PACRG: variants seen among roughly 807,000 people sequenced by gnomAD.
PACRG encodes parkin coregulated gene protein.
Under a neutral mutation model 29.7 loss-of-function variants are expected in PACRG, and 29 were observed. The ratio of observed to expected loss-of-function variants is 0.98; its 90% CI spans 0.73 to 1.33. The LOEUF is 1.33. PACRG is among the 40% of genes most tolerant of loss of function. The pLI is 0.00. For synonymous variants in PACRG, 116 were observed against 118.7 expected (o/e 0.98, Z 0.15); for missense variants, 279 against 316.2 (o/e 0.88, Z 0.89).
At chr6:162,830,759 A>C (rs1374237965) in intron 2 of PACRG, among the ~76,000 whole-genome samples, 5 of 152,166 alleles carry the variant, frequency 3.3e-5, no homozygotes, top group Non-Finnish European at 5.9e-5. Context: ...GCATTTAGTT[A>C]TTTGGGCGGC....
intron 2 of PACRG, among the ~76,000 whole-genome samples, chr6:163,047,219 G>A (rs575577625): frequency 5.9e-5 from 9 of 152,012 alleles, no homozygotes; most frequent in Non-Finnish European, 1.2e-4. Flanking sequence ...TTCTTGATTC[G>A]TTATTTATGA....
intron 2 of PACRG, among the ~76,000 whole-genome samples, chr6:162,883,351 A>C (rs1249066069): frequency 6.6e-6 from 1 of 152,192 alleles, no homozygotes; most frequent in Non-Finnish European, 1.5e-5. Context: ...TTAATTTATT[A>C]GATTTTTAAA....
intron 2 of PACRG, among the ~76,000 whole-genome samples, chr6:162,947,595 C>CATATATATATAATCAT (rs1799253594): frequency 3.6e-5 from 1 of 27,988 alleles, no homozygotes; most frequent in African/African-American, 1.1e-4. Flanking sequence ...TATATATAAT[C>CATATATATATAATCAT]ATATATATAT....
At chr6:162,786,348 A>C (rs568534856) in intron 1 of PACRG, among the ~76,000 whole-genome samples, 61 of 152,352 alleles carry the variant, frequency 4.0e-4, no homozygotes, top group African/African-American at 1.4e-3. Context: ...ACTCTTAACG[A>C]AACCCGTTTT....
chr6:163,022,982 G>T (rs1806778844), intron 2 of PACRG, among the ~76,000 whole-genome samples: 1 of 152,010 alleles, frequency 6.6e-6, no homozygotes, highest in Non-Finnish European at 1.5e-5. Flanking sequence ...CTGGAGAATT[G>T]CAATGCATGT....
chr6:162,785,588 G>A (rs1183260363), intron 1 of PACRG, among the ~76,000 whole-genome samples: 1 of 151,916 alleles, frequency 6.6e-6, no homozygotes, highest in Non-Finnish European at 1.5e-5. Context: ...GGGGTGCGGG[G>A]GTTGGGGGAG....
At chr6:163,284,439 A>C (rs989614102) in intron 4 of PACRG, among the ~76,000 whole-genome samples, 6 of 152,262 alleles carry the variant, frequency 3.9e-5, no homozygotes, top group African/African-American at 1.4e-4. Context: ...GCTGAAGAAC[A>C]GTGGTCTGGC....
At chr6:163,250,883 GTA>G (rs368878258) in intron 4 of PACRG, among the ~76,000 whole-genome samples, 2,859 of 137,746 alleles carry the variant, frequency 0.021, 72 homozygotes, top group African/African-American at 0.064. Context: ...AGAAATTGTT[GTA>G]TATATATATA....
intron 2 of PACRG, among the ~76,000 whole-genome samples, chr6:162,942,459 A>G (rs1242457465): frequency 1.3e-5 from 2 of 151,864 alleles, no homozygotes; most frequent in African/African-American, 4.8e-5. Context: ...CTGACACTTC[A>G]TCCAGTTCTT....
chr6:162,956,286 A>T (rs1360589277), intron 2 of PACRG, among the ~76,000 whole-genome samples: 8 of 152,152 alleles, frequency 5.3e-5, no homozygotes, highest in Non-Finnish European at 1.2e-4. Context: ...CAAAAGGTGG[A>T]GATTATTTTC....
intron 4 of PACRG, among the ~76,000 whole-genome samples, chr6:163,112,801 G>C (rs1815785105): frequency 6.6e-6 from 1 of 152,148 alleles, no homozygotes; most frequent in Non-Finnish European, 1.5e-5. Flanking sequence ...GAGTTACTAT[G>C]TCATTAGATC....
chr6:162,949,796 G>A (rs1215443429), intron 2 of PACRG, among the ~76,000 whole-genome samples: 1 of 152,062 alleles, frequency 6.6e-6, no homozygotes, highest in Non-Finnish European at 1.5e-5. Context: ...TACTCCTAGG[G>A]CCCAGCTCTG....
intron 2 of PACRG, among the ~76,000 whole-genome samples, chr6:162,899,363 C>T (rs2128054640): frequency 6.6e-6 from 1 of 152,176 alleles, no homozygotes; most frequent in African/African-American, 2.4e-5. Flanking sequence ...AGCAGCCTCC[C>T]AGGAATGAGT....
intron 4 of PACRG, among the ~76,000 whole-genome samples, chr6:163,261,386 A>T (rs1441601407): frequency 6.6e-6 from 1 of 151,956 alleles, no homozygotes; most frequent in Admixed American, 6.6e-5. Context: ...TGCATTAGGT[A>T]TTTATCCTAA....
intron 4 of PACRG, among the ~76,000 whole-genome samples, chr6:163,104,302 G>A (rs1815262719): frequency 6.6e-6 from 1 of 152,154 alleles, no homozygotes; most frequent in Non-Finnish European, 1.5e-5. Flanking sequence ...TAGAAGGCAT[G>A]TAACCACATG....
At chr6:163,108,453 G>A (rs2128317969) in intron 4 of PACRG, among the ~76,000 whole-genome samples, 1 of 135,838 alleles carries the variant, frequency 7.4e-6, no homozygotes, top group Non-Finnish European at 1.5e-5. Context: ...GGAACGCAGT[G>A]GTGCAGTCTC....
chr6:162,993,309 T>C (rs1315010957), intron 2 of PACRG, among the ~76,000 whole-genome samples: 2 of 131,484 alleles, frequency 1.5e-5, no homozygotes, highest in Non-Finnish European at 3.2e-5. Context: ...TGACTTTCTG[T>C]CTCATTGATC....
chr6:163,234,465 A>G (rs1181788277), intron 4 of PACRG, among the ~76,000 whole-genome samples: 1 of 152,188 alleles, frequency 6.6e-6, no homozygotes, highest in Non-Finnish European at 1.5e-5. Flanking sequence ...AAGCTTCCTG[A>G]AGCCCTCACC....
intron 2 of PACRG, among the ~76,000 whole-genome samples, chr6:162,822,027 A>G (rs572661042): frequency 4.8e-4 from 73 of 152,198 alleles, no homozygotes; most frequent in South Asian, 6.2e-4. Context: ...TTCTACATGT[A>G]TGTATGTTTT....
Sources: allele counts gnomAD v4.1 joint callset (sites outside exome capture counted in the v4.1 genomes callset), GRCh38; gene constraint gnomAD v4.1.1; transcripts MANE v1.5; gene names NCBI Gene and HGNC (gene_info 2026-07-23, HGNC 2026-07-21).